KIAA1217: variants seen among roughly 807,000 people sequenced by gnomAD.
KIAA1217 encodes sickle tail protein homolog.
KIAA1217 carries 88 observed loss-of-function variants against 163.9 expected under a neutral mutation model. The ratio of observed to expected loss-of-function variants is 0.54; its 90% confidence interval spans 0.45 to 0.64. The LOEUF is 0.64. Among genes scored for constraint, KIAA1217 ranks in the 30% least tolerant of loss-of-function variants. The pLI, the probability that KIAA1217 is intolerant of heterozygous loss-of-function variation, is 0.00. For missense variants in KIAA1217, 2,372 were observed against 2,475.0 expected (o/e 0.96, Z 0.88); for synonymous variants, 903 against 923.1 (o/e 0.98, Z 0.39).
intron 1 of KIAA1217, among the ~76,000 whole-genome samples, chr10:23,873,669 G>A (rs920632143): frequency 1.4e-5 from 2 of 148,084 alleles, no homozygotes; most frequent in Non-Finnish European, 3.0e-5. Context: ...TTGTCTTTCT[G>A]GCCCTACAAG....
chr10:24,286,112 C>T (rs921342878), intron 2 of KIAA1217, among the ~76,000 whole-genome samples: 1 of 152,096 alleles, frequency 6.6e-6, no homozygotes, highest in Non-Finnish European at 1.5e-5. Context: ...AGCCTTTTGG[C>T]AAAGTCTAGG....
intron 1 of KIAA1217, among the ~76,000 whole-genome samples, chr10:23,982,826 C>T (rs201195604): frequency 1.3e-5 from 2 of 151,942 alleles, no homozygotes; most frequent in Non-Finnish European, 2.9e-5. Flanking sequence ...AGCCTCCCAA[C>T]GTGCTAGGAT....
chr10:24,116,574 T>C (rs1424391107), intron 2 of KIAA1217, among the ~76,000 whole-genome samples: 1 of 152,168 alleles, frequency 6.6e-6, no homozygotes, highest in Non-Finnish European at 1.5e-5. Context: ...ATATAGGCAA[T>C]GGGCCTAATT....
chr10:24,246,535 C>T (rs187136447), intron 2 of KIAA1217, among the ~76,000 whole-genome samples: 14 of 152,296 alleles, frequency 9.2e-5, no homozygotes, highest in Admixed American at 9.2e-4. Flanking sequence ...CAGTTCACTA[C>T]AGTGATGCCA....
chr10:24,454,909 A>G (rs936452730), intron 5 of KIAA1217, among the ~76,000 whole-genome samples: 2 of 152,174 alleles, frequency 1.3e-5, no homozygotes, highest in Non-Finnish European at 2.9e-5. Context: ...CGCTCACCAG[A>G]TATCTGCAGG....
At chr10:24,459,733 G>C (rs1459866280) in intron 5 of KIAA1217, among the ~76,000 whole-genome samples, 1 of 152,096 alleles carries the variant, frequency 6.6e-6, no homozygotes, top group Non-Finnish European at 1.5e-5. Flanking sequence ...GGCCAGCCTG[G>C]GCAATGTAGT....
At chr10:24,391,703 TAA>T (rs1291126444) in intron 3 of KIAA1217, among the ~76,000 whole-genome samples, 1 of 152,164 alleles carries the variant, frequency 6.6e-6, no homozygotes, top group East Asian at 1.9e-4. Flanking sequence ...ACCTGGAGTA[TAA>T]GTCACCTTTT....
chr10:24,279,277 T>C (rs2077646876), intron 2 of KIAA1217, among the ~76,000 whole-genome samples: 1 of 151,608 alleles, frequency 6.6e-6, no homozygotes, highest in South Asian at 2.1e-4. Context: ...TTTGTTTGTT[T>C]GTTTTTTTTT....
At chr10:24,486,087 T>G (rs2065357985) in intron 6 of KIAA1217, among the ~76,000 whole-genome samples, 3 of 152,204 alleles carry the variant, frequency 2.0e-5, no homozygotes, top group Admixed American at 2.0e-4. Context: ...CTCCAGCCAT[T>G]GCTCTCGACC....
intron 6 of KIAA1217, among the ~76,000 whole-genome samples, chr10:24,474,900 A>G (rs754688116): frequency 1.3e-5 from 2 of 152,228 alleles, no homozygotes; most frequent in African/African-American, 2.4e-5. Flanking sequence ...ACCTATTGTT[A>G]TATATGAATC....
chr10:24,157,197 T>C (rs1468669223), intron 2 of KIAA1217, among the ~76,000 whole-genome samples: 1 of 152,210 alleles, frequency 6.6e-6, no homozygotes, highest in Admixed American at 6.5e-5. Context: ...TTTTTAATTT[T>C]AGCCATTCTA....
At chr10:24,073,300 G>C (rs2061254343) in intron 2 of KIAA1217, among the ~76,000 whole-genome samples, 1 of 152,052 alleles carries the variant, frequency 6.6e-6, no homozygotes, top group South Asian at 2.1e-4. Flanking sequence ...GGCGGCTGGG[G>C]CAGGCATGTG....
intron 2 of KIAA1217, among the ~76,000 whole-genome samples, chr10:24,052,601 T>A (rs1849592937): frequency 7.7e-6 from 1 of 129,606 alleles, no homozygotes; most frequent in African/African-American, 2.9e-5. Flanking sequence ...TGCTTCCAAC[T>A]TTTAGTTTTC....
intron 2 of KIAA1217, among the ~76,000 whole-genome samples, chr10:24,149,350 T>G (rs952056497): frequency 6.6e-6 from 1 of 152,002 alleles, no homozygotes; most frequent in African/African-American, 2.4e-5. Context: ...CGACTAATTT[T>G]TTTTTGTACT....
At chr10:23,969,142 C>A (rs572448167) in intron 1 of KIAA1217, among the ~76,000 whole-genome samples, 1 of 152,278 alleles carries the variant, frequency 6.6e-6, no homozygotes, top group Non-Finnish European at 1.5e-5. Context: ...TCAAGCGATT[C>A]CCCCACCTCA....
chr10:23,916,744 C>A (rs375124508), intron 1 of KIAA1217, among the ~76,000 whole-genome samples: 2 of 152,120 alleles, frequency 1.3e-5, no homozygotes, highest in African/African-American at 2.4e-5. Context: ...GAGGCTGAGG[C>A]GGGCAGATCA....
At chr10:23,757,814 A>T (rs1833998814) in intron 1 of KIAA1217, among the ~76,000 whole-genome samples, 1 of 152,212 alleles carries the variant, frequency 6.6e-6, no homozygotes, top group South Asian at 2.1e-4. Context: ...CACCACACCC[A>T]GCCTAAGCAT....
At position 24,279,737 on chromosome 10, in the gene KIAA1217, A is replaced by G. The variant is rs140013899; in HGVS notation, c.354+59828A>G. Among the ~76,000 whole-genome samples, 203 of 152,352 alleles carry G rather than the reference A, an allele frequency of 1.3e-3. 2 individuals carry two copies. Among genetic ancestry groups the G allele is most frequent in the African/African-American group, 4.4e-3 (181 of 41,588 alleles). ...TCAAAATAGAAGCACAGATTTACCA[A>G]TTAACTGGAGTTAAAACTTTTTACT... is the stretch of plus-strand genomic sequence containing the variant. On this transcript the variant is annotated intron_variant, in intron 2 of 20. Transcript: ENST00000376454.
chr10:24,109,295 G>C (rs2062752355), intron 2 of KIAA1217, among the ~76,000 whole-genome samples: 1 of 152,168 alleles, frequency 6.6e-6, no homozygotes, highest in Middle Eastern at 3.4e-3. Flanking sequence ...TTTTGTCTGT[G>C]TTCCCAGTTG....
Sources: allele counts gnomAD v4.1 joint callset (sites outside exome capture counted in the v4.1 genomes callset), GRCh38; gene constraint gnomAD v4.1.1; transcripts MANE v1.5; gene names NCBI Gene and HGNC (gene_info 2026-07-23, HGNC 2026-07-21).